Variants in HDC observed in about 807,000 individuals in gnomAD.
HDC encodes histidine decarboxylase.
HDC carries 27 observed loss-of-function variants against 64.4 expected under a neutral mutation model. The ratio of observed to expected loss-of-function variants is 0.42; its 90% CI spans 0.31 to 0.58. HDC has a LOEUF of 0.58. Among genes scored for constraint, HDC ranks in the 20% least tolerant of loss-of-function variants. The pLI, the probability that HDC is intolerant of heterozygous loss-of-function variation, is 0.16. For synonymous variants in HDC, 305 were observed against 314.2 expected, an observed-to-expected ratio of 0.97 and a Z score of 0.31; for missense variants, 711 against 833.9, an observed-to-expected ratio of 0.85 and a Z score of 1.81.
chr15:50,259,999 T>A (rs1314547315), intron 2 of HDC, among the ~76,000 whole-genome samples: 1 of 151,464 alleles, frequency 6.6e-6, no homozygotes, highest in Non-Finnish European at 1.5e-5. Context: ...ATACCATTTG[T>A]GTGGGTCTCT....
Position 50,258,530 on chromosome 15 carries a change from C to A in HDC, c.205-13G>T. ...GCCAATGTACCACCTGGAGGCAGAG[C>A]ATGCACAGAGTTGGCACCAGGAGGC... On this transcript the variant is annotated splice_polypyrimidine_tract_variant and intron_variant, in intron 2 of 11. Coordinates refer to ENST00000267845, the MANE Select transcript of HDC (RefSeq NM_002112.4). 6.5e-7 allele frequency: 1 copy of A among 1,538,354 alleles called. No individual in the cohort carries two copies.
chr15:50,253,602 A>G lies in HDC; in HGVS notation c.785T>C (p.Ile262Thr). Residue 262 changes from isoleucine to threonine, a missense_variant and splice_region_variant, in exon 7 of 12, where the codon ATC (isoleucine) becomes ACC (threonine). Ile to Thr is a moderately conservative substitution (Grantham distance 89). This residue lies in a region of HDC where 483 missense variants were observed against 540.9 expected (regional missense o/e 0.89). Coordinates refer to ENST00000267845, the MANE Select transcript of HDC (RefSeq NM_002112.4). ...AFDCLSELGP[I>T]CAREGLWLHI... Reference sequence around the variant, plus strand: ...AGCCACAGAGGGAAGATACTTACAGATGGGGCCCAGCTCTGACAGGCAGTC... The same window carrying G: ...AGCCACAGAGGGAAGATACTTACAGGTGGGGCCCAGCTCTGACAGGCAGTC... 6.2e-7 allele frequency: 1 copy of G among 1,613,708 alleles called. No individual in the cohort carries two copies. Among genetic ancestry groups the G allele is most frequent in the Non-Finnish European group, 8.5e-7 (1 of 1,179,648 alleles).
chr15:50,254,731 T>C, intron 4 of HDC, 67 bp from the exon 5 acceptor site: 1 of 1,531,432 alleles, frequency 6.5e-7, no homozygotes, highest in Non-Finnish European at 8.9e-7. Flanking sequence ...CCAGGCTTTC[T>C]AGTTTTTTCT....
rs1371535511 is a variant in HDC at position 50,242,190 on chromosome 15, G to A, written c.*70C>T. 1.6e-6 allele frequency: 2 copies of A among 1,259,366 alleles called. No homozygotes were observed. The highest frequency in any genetic ancestry group is 1.2e-5 in the South Asian group (1 of 83,712). The allele number at this position is 1,259,366 out of a possible 1,614,324, so 78.0% of individuals were successfully genotyped here. ...CATGTACACATAAGCACACAAAGTT[G>A]GCATACAATTGTGAGGGGTTCACAG... On this transcript the variant is annotated 3_prime_UTR_variant, in exon 12 of 12. Coordinates refer to ENST00000267845, the MANE Select transcript of HDC (RefSeq NM_002112.4).
At position 50,252,673 on chromosome 15, in the gene HDC, C is replaced by T. The variant is rs368742064; in HGVS notation, c.889G>A (p.Asp297Asn). The change falls in exon 8 of 12, where the codon GAC (aspartate) becomes AAC (asparagine). Residue 297 changes from aspartate (D) to asparagine (N), a missense_variant. Asp to Asn is a conservative substitution (Grantham distance 23). Coordinates refer to ENST00000267845, the MANE Select transcript of HDC (RefSeq NM_002112.4). ...RGFLKGIEYADSFTFNPSKWM... is the reference protein window; with the variant it reads ...RGFLKGIEYANSFTFNPSKWM... ...TTGGAAGGATTAAAGGTGAAGGAGT[C>T]GGCATACTCAATCCCCTTCAGAAAC... The T allele has an allele frequency of 1.2e-6, 2 of 1,613,962 alleles. No individual in the cohort carries two copies. The highest frequency in any genetic ancestry group is 1.7e-6 in the Non-Finnish European group (2 of 1,180,028).
At chr15:50,252,839 G>A in intron 7 of HDC, 65 bp from the exon 8 acceptor site, 2 of 1,511,974 alleles carry the variant, frequency 1.3e-6, no homozygotes, top group Non-Finnish European at 1.8e-6. Context: ...TCTCGCACCT[G>A]GCCAAGCTGA....
In HDC at chr15:50,262,240, C is replaced by T. The variant is rs16963523; in HGVS notation, c.204+995G>A. On this transcript the variant is annotated intron_variant, in intron 2 of 11. Transcript: ENST00000267845. ...TAGAGGTGACAGAGGGTAGGAGAAA[C>T]GGCACAGCCTGTGAAGTAAGACTGG... Among the ~76,000 whole-genome samples, 93 of 152,220 alleles carry T rather than the reference C, an allele frequency of 6.1e-4. 1 individual carries two copies. Among genetic ancestry groups the T allele is most frequent in the African/African-American group, 1.8e-3 (76 of 41,536 alleles).
intron 5 of HDC, 122 bp from the exon 6 acceptor site, chr15:50,254,395 TTGC>T (rs2045598952): frequency 1.3e-6 from 2 of 1,525,738 alleles, no homozygotes; most frequent in Non-Finnish European, 1.8e-6. Context: ...TTCCCTACAG[TTGC>T]TGGAGACAAG....
chr15:50,261,859 G>T (rs530873992), intron 2 of HDC, among the ~76,000 whole-genome samples: 1 of 152,120 alleles, frequency 6.6e-6, no homozygotes, highest in East Asian at 1.9e-4. Flanking sequence ...ACAGGCATGT[G>T]CCACCATGCC....
chr15:50,243,992 C>T (rs549727049), intron 10 of HDC, among the ~76,000 whole-genome samples: 24 of 152,258 alleles, frequency 1.6e-4, no homozygotes, highest in Non-Finnish European at 2.8e-4. Flanking sequence ...TAAAATGGTA[C>T]ATTCTATGGT....
At chr15:50,258,133 T>C (rs2045655926) in intron 3 of HDC, among the ~76,000 whole-genome samples, 1 of 152,188 alleles carries the variant, frequency 6.6e-6, no homozygotes, top group South Asian at 2.1e-4. Context: ...ATCCAAGTCT[T>C]ATCTGTGTCT....
chr15:50,243,032 G>A, intron 11 of HDC, 26 bp from the exon 12 acceptor site: 1 of 1,614,038 alleles, frequency 6.2e-7, no homozygotes, highest in Non-Finnish European at 8.5e-7. Context: ...AGGAAGTGAA[G>A]TCTCCATCGC....
chr15:50,253,957 A>C (rs2045592653), intron 6 of HDC, 173 bp downstream of exon 6: 1 of 726,502 alleles, frequency 1.4e-6, no homozygotes, highest in Non-Finnish European at 2.4e-6. Context: ...GTTATGACCC[A>C]CAAAATTTAT....
chr15:50,252,419 TG>T lies in HDC; in HGVS notation c.1041+10del, dbSNP rs1477656390. The T allele has an allele frequency of 6.2e-7, 1 of 1,613,228 alleles. No individual in the cohort carries two copies. ...CCGAGCCCACCAGGCTGCCCGTCCC[TG>T]GCCACTCACCATGAAGTCGGTGGCC... On this transcript the variant is annotated intron_variant, in intron 9 of 11. Coordinates refer to ENST00000267845, the MANE Select transcript of HDC (RefSeq NM_002112.4).
intron 10 of HDC, among the ~76,000 whole-genome samples, chr15:50,244,163 T>C (rs2140923913): frequency 6.6e-6 from 1 of 152,322 alleles, no homozygotes; most frequent in Non-Finnish European, 1.5e-5. Context: ...TTCTCTTTTC[T>C]TTTTAAAAAT....
rs1423376270 is a variant in HDC, at chr15:50,253,564, T to A, written c.787+36A>T. 1.9e-6 allele frequency: 3 copies of A among 1,576,412 alleles called. No individual in the cohort carries two copies. In the African/African-American group the frequency reaches 4.0e-5, roughly 21 times the overall value. On this transcript the variant is annotated intron_variant, in intron 7 of 11. Transcript: ENST00000267845. Reference sequence around the variant, plus strand: ...CTTTAGGAGACATTTAAAAATGTATTCCTTGTCTTCCTAGCCACAGAGGGA... The same window carrying A: ...CTTTAGGAGACATTTAAAAATGTATACCTTGTCTTCCTAGCCACAGAGGGA...
In HDC at chr15:50,242,811, T is replaced by C. The variant is rs138250620; in HGVS notation, c.1438A>G (p.Thr480Ala). ...AATLILSQHC[T>A]SQPSPRVGNL... ...CCAACCCGAGGGCTGGGTTGGGAAG[T>C]ACAGTGCTGACTCAGGATGAGAGTG... The change falls in exon 12 of 12, where the codon ACT (threonine) becomes GCT (alanine). Residue 480 changes from threonine (T) to alanine (A), a missense_variant. By Grantham distance (58) the Thr-to-Ala change is moderately conservative. Around this residue, in one of 3 missense-constraint regions of HDC, gnomAD observed 483 missense variants for 540.9 expected, o/e 0.89. Coordinates refer to ENST00000267845, the MANE Select transcript of HDC (RefSeq NM_002112.4). 8.1e-5 allele frequency: 130 copies of C among 1,613,904 alleles called. 1 individual carries two copies. Among genetic ancestry groups the C allele is most frequent in the Non-Finnish European group, 1.0e-4 (122 of 1,179,982 alleles).
intron 6 of HDC, 47 bp from the exon 7 acceptor site, chr15:50,253,713 G>T: frequency 6.7e-7 from 1 of 1,486,722 alleles, no homozygotes; most frequent in Non-Finnish European, 9.4e-7. Flanking sequence ...GGGCTCGTGT[G>T]ACACATTTGG....
chr15:50,264,621 G>A (rs2045744965), intron 1 of HDC, among the ~76,000 whole-genome samples: 1 of 152,126 alleles, frequency 6.6e-6, no homozygotes, highest in South Asian at 2.1e-4. Context: ...CTCTTTGTCT[G>A]TCTCAACATC....
Sources: allele counts gnomAD v4.1 joint callset (sites outside exome capture counted in the v4.1 genomes callset), GRCh38; gene constraint gnomAD v4.1.1; regional missense constraint gnomAD v4.1.1; transcripts MANE v1.5; gene names NCBI Gene and HGNC (gene_info 2026-07-23, HGNC 2026-07-21).